CDH22: variants seen among roughly 807,000 people sequenced by gnomAD.
CDH22 encodes cadherin-22.
In CDH22, 30 loss-of-function variants were observed where a neutral mutation model predicts 58.4. The observed-to-expected ratio is 0.51, with a 90% CI of 0.38 to 0.70. The LOEUF (loss-of-function observed/expected upper bound fraction) is 0.70, where lower values mean the gene tolerates loss of function less well. CDH22 is among the 30% of genes least tolerant of loss of function. The pLI is 0.00. For missense variants in CDH22, 1,014 were observed against 1,233.9 expected, an observed-to-expected ratio of 0.82 and a Z score of 2.67; for synonymous variants, 513 against 558.2, an observed-to-expected ratio of 0.92 and a Z score of 1.14.
At chr20:46,229,399 C>A (rs1490674502) in intron 3 of CDH22, among the ~76,000 whole-genome samples, 1 of 151,698 alleles carries the variant, frequency 6.6e-6, no homozygotes, top group Non-Finnish European at 1.5e-5. Flanking sequence ...CTCTGGGATG[C>A]CAAGTCCCTT....
rs184941717 is a variant in CDH22 at position 46,248,164 on chromosome 20, C to A, written c.255+2876G>T. ...CCCCTCCTTCTAATGAAGGGAGCTA[C>A]AGGGCCCTCCCCTGCTTATAGACTG... On this transcript the variant is annotated intron_variant, in intron 2 of 11. Transcript: ENST00000537909. 2.8e-4 allele frequency among the ~76,000 whole-genome samples: 42 copies of A among 152,326 alleles called. No homozygotes were observed. In the East Asian group the frequency reaches 5.8e-3, roughly 21 times the overall value.
rs1233304982 is a variant in CDH22, at chr20:46,251,962, C to T, written c.-399-269G>A. Reference sequence around the variant, plus strand: ...ATCTCCTACGCCTTTCTCACAGCCCCTGCCCCGCTCAGCCCTCATGCCCAC... The same window carrying T: ...ATCTCCTACGCCTTTCTCACAGCCCTTGCCCCGCTCAGCCCTCATGCCCAC... On this transcript the variant is annotated intron_variant, in intron 1 of 11. Transcript: ENST00000537909. The surrounding 1 kb of genome is among the most constrained non-coding windows in gnomAD (Gnocchi z 6.7). Among the ~76,000 whole-genome samples, 1 of 152,066 alleles carries T rather than the reference C, an allele frequency of 6.6e-6. No individual in the cohort carries two copies. Among genetic ancestry groups the T allele is most frequent in the Non-Finnish European group, 1.5e-5 (1 of 68,008 alleles).
chr20:46,304,507 C>T (rs926657592), intron 1 of CDH22, among the ~76,000 whole-genome samples: 119 of 152,306 alleles, frequency 7.8e-4, no homozygotes, highest in African/African-American at 2.7e-3. Flanking sequence ...AATGCCTACG[C>T]GCTTAATCAT....
chr20:46,279,264 C>CA (rs1271121740), intron 1 of CDH22, among the ~76,000 whole-genome samples: 1 of 152,078 alleles, frequency 6.6e-6, no homozygotes, highest in African/African-American at 2.4e-5. Context: ...GCTGAAAACG[C>CA]AAAAAACTCA....
intron 1 of CDH22, among the ~76,000 whole-genome samples, chr20:46,295,705 T>C (rs548636182): frequency 3.3e-5 from 5 of 152,238 alleles, no homozygotes; most frequent in Non-Finnish European, 7.3e-5. Context: ...TGATAGGTGA[T>C]GATCCAGCTT....
chr20:46,278,904 G>A (rs1258263478), intron 1 of CDH22, among the ~76,000 whole-genome samples: 5 of 152,178 alleles, frequency 3.3e-5, no homozygotes, highest in Admixed American at 6.5e-5. Flanking sequence ...TGGATTTCTG[G>A]CTCTGGGTCC....
intron 3 of CDH22, among the ~76,000 whole-genome samples, chr20:46,237,954 C>T (rs879401665): frequency 4.2e-4 from 64 of 152,144 alleles, no homozygotes; most frequent in Non-Finnish European, 7.9e-4. Flanking sequence ...GGGGATGCTA[C>T]CATTAGTCCT....
intron 11 of CDH22, 142 bp downstream of exon 11, chr20:46,177,804 G>T: frequency 1.8e-6 from 2 of 1,085,778 alleles, no homozygotes; most frequent in African/African-American, 1.6e-5. Flanking sequence ...GGGGCTGCTT[G>T]TTAGAGCTTG....
chr20:46,251,427 G>T lies in CDH22; in HGVS notation c.-133C>A, dbSNP rs1297504208. 3.7e-6 allele frequency: 4 copies of T among 1,087,064 alleles called. No homozygotes were observed. Among genetic ancestry groups the T allele is most frequent in the Non-Finnish European group, 4.8e-6 (4 of 837,230 alleles). 67.3% of individuals were successfully genotyped at this position (1,087,064 alleles called of 1,614,324 possible). ...CGGCCGCCGGGATGTCGCCCCCGAC[G>T]GGGCACCCGGACGGGCCCGCGGCCC... On this transcript the variant is annotated 5_prime_UTR_variant, in exon 2 of 12. Coordinates refer to ENST00000537909, the MANE Select transcript of CDH22 (RefSeq NM_021248.3). The surrounding 1 kb of genome is among the most constrained non-coding windows in gnomAD (Gnocchi z 6.7).
chr20:46,231,492 G>C (rs916702070), intron 3 of CDH22, among the ~76,000 whole-genome samples: 1 of 152,212 alleles, frequency 6.6e-6, no homozygotes, highest in Non-Finnish European at 1.5e-5. Flanking sequence ...GCCCTAGACT[G>C]AATCCCTCAC....
chr20:46,232,730 G>C (rs979357196), intron 3 of CDH22, among the ~76,000 whole-genome samples: 1 of 152,060 alleles, frequency 6.6e-6, no homozygotes, highest in African/African-American at 2.4e-5. Flanking sequence ...GATTACACAG[G>C]AAACAAGCCC....
chr20:46,272,712 T>C (rs2086497801), intron 1 of CDH22, among the ~76,000 whole-genome samples: 1 of 152,200 alleles, frequency 6.6e-6, no homozygotes, highest in Non-Finnish European at 1.5e-5. Flanking sequence ...AGATTGTTAG[T>C]ATCCTTGCTA....
At chr20:46,254,664 G>A (rs1384864572) in intron 1 of CDH22, among the ~76,000 whole-genome samples, 1 of 152,120 alleles carries the variant, frequency 6.6e-6, no homozygotes, top group Admixed American at 6.5e-5. Flanking sequence ...TCAGGGAGTG[G>A]TAAACATTGA....
intron 1 of CDH22, among the ~76,000 whole-genome samples, chr20:46,284,275 C>T (rs948600537): frequency 3.9e-5 from 6 of 152,108 alleles, no homozygotes; most frequent in Middle Eastern, 3.2e-3. Flanking sequence ...GATCAGTGAA[C>T]CCTGATTGCA....
rs1383619010 is a variant in CDH22, at chr20:46,214,197, G to T, written c.839-1009C>A. Among the ~76,000 whole-genome samples, 7 of 152,304 alleles carry T rather than the reference G, an allele frequency of 4.6e-5. 1 individual carries two copies. The highest frequency in any genetic ancestry group is 4.6e-4 in the Admixed American group (7 of 15,304). The stretch of plus-strand genomic sequence containing the variant: ...ATGGCAAGATGGCTGTGTGGCTGGA[G>T]GGGAGGAGCAGAGGGGAAACCAGAA... On this transcript the variant is annotated intron_variant, in intron 5 of 11. Transcript: ENST00000537909.
chr20:46,186,384 C>T (rs752233982), intron 10 of CDH22, among the ~76,000 whole-genome samples: 17 of 151,868 alleles, frequency 1.1e-4, no homozygotes, highest in East Asian at 2.0e-4. Flanking sequence ...ATCCTTGGGA[C>T]GCCCTCCTCC....
At chr20:46,179,290 T>A (rs572073883) in intron 10 of CDH22, among the ~76,000 whole-genome samples, 2 of 152,124 alleles carry the variant, frequency 1.3e-5, no homozygotes, top group Non-Finnish European at 2.9e-5. Context: ...CTCCCCGCGG[T>A]CTTCAGTCTG....
chr20:46,291,868 G>A (rs2086605092), intron 1 of CDH22, among the ~76,000 whole-genome samples: 1 of 152,230 alleles, frequency 6.6e-6, no homozygotes, highest in Admixed American at 6.5e-5. Flanking sequence ...TTTGTTGGTG[G>A]GGGCTGTCCT....
rs1219912303 is a variant in CDH22, at chr20:46,186,588, C to A, written c.1663G>T (p.Asp555Tyr). The A allele has an allele frequency of 6.2e-7, 1 of 1,607,090 alleles. No homozygotes were observed. ...TGCATCCTAGGGTTTGGAGGCTCAC[C>A]TTGGATGTCAAGCAGAGAGAAATGA... Reference protein sequence around the residue: ...NPHFSLLDIQDNTAAVHTQHV... With the variant: ...NPHFSLLDIQYNTAAVHTQHV... Residue 555 changes from aspartate to tyrosine, a missense_variant and splice_region_variant, in exon 10 of 12, where the codon GAC becomes TAC. This residue lies in a region of CDH22 where 806 missense variants were observed against 1,038.7 expected (regional missense o/e 0.78). Transcript: ENST00000537909.
Sources: gnomAD v4.1 joint callset for allele counts (sites outside exome capture counted in the v4.1 genomes callset) on GRCh38, gnomAD v4.1.1 for gene constraint, gnomAD v4.1.1 regional missense constraint, Gnocchi (gnomAD v3.1) non-coding constraint, MANE v1.5 for transcripts, NCBI Gene and HGNC (gene_info 2026-07-23, HGNC 2026-07-21) for gene names.